The following TLN2 variants were observed in gnomAD, a reference collection of about 807,000 sequenced individuals.
The protein encoded by TLN2 is talin 2.
A neutral mutation model predicts 294.7 loss-of-function variants in TLN2; 118 were observed. That is an observed-to-expected ratio of 0.40 (90% CI 0.34 to 0.47). TLN2 has a LOEUF of 0.47. Among genes scored for constraint, TLN2 ranks in the 20% least tolerant of loss-of-function variants. TLN2 has a pLI of 0.84. For missense variants in TLN2, 3,083 were observed against 3,282.2 expected, an observed-to-expected ratio of 0.94 and a Z score of 1.48; for synonymous variants, 1,431 against 1,304.5, an observed-to-expected ratio of 1.10 and a Z score of -2.09.
chr15:62,687,152 C>T (rs190142375), intron 12 of TLN2, among the ~76,000 whole-genome samples: 1 of 152,180 alleles, frequency 6.6e-6, no homozygotes, highest in Non-Finnish European at 1.5e-5. Flanking sequence ...GACACAAAGG[C>T]CCCCTCTCTG....
chr15:62,650,008 C>T (rs1015467351), intron 4 of TLN2, 76 bp from the exon 5 acceptor site: 23 of 1,433,736 alleles, frequency 1.6e-5, no homozygotes, highest in Non-Finnish European at 2.1e-5. Context: ...GCTGAGTCAG[C>T]AGGCTCAGGG....
At chr15:62,654,754 C>CA (rs59006343) in intron 7 of TLN2, among the ~76,000 whole-genome samples, 5,206 of 33,898 alleles carry the variant, frequency 0.15, 1,228 homozygotes, top group Non-Finnish European at 0.2. Flanking sequence ...GACTCTGCCT[C>CA]AAAAAAAAAA....
intron 54 of TLN2, among the ~76,000 whole-genome samples, chr15:62,825,803 ATATAT>A (rs1267238495): frequency 0.029 from 140 of 4,854 alleles, 9 homozygotes; most frequent in Middle Eastern, 0.25. Flanking sequence ...AATATATATT[ATATAT>A]TATATTATAA....
rs16945742 is a variant in TLN2 at position 62,795,582 on chromosome 15, C to G, written c.5884-545C>G. On this transcript the variant is annotated intron_variant, in intron 46 of 58. Transcript: ENST00000636159. Reference sequence around the variant, plus strand: ...AAGTGGAGAGGTCACATACACAGATCCCCTCTAGACTCCAGCCCTTCTGAA... The same window carrying G: ...AAGTGGAGAGGTCACATACACAGATGCCCTCTAGACTCCAGCCCTTCTGAA... 5.6e-3 allele frequency among the ~76,000 whole-genome samples: 856 copies of G among 152,134 alleles called. 6 individuals carry two copies. Among genetic ancestry groups the G allele is most frequent in the African/African-American group, 0.02 (834 of 41,472 alleles).
At chr15:62,631,518 C>CTTCCTTTCCTTTCCTTTCCT (rs201532885) in intron 3 of TLN2, among the ~76,000 whole-genome samples, 3,735 of 89,584 alleles carry the variant, frequency 0.042, 451 homozygotes, top group Non-Finnish European at 0.05. Context: ...TTCTTTCTTT[C>CTTCCTTTCCTTTCCTTTCCT]TTCCTTTCCT....
chr15:62,491,155 C>A (rs1405989351), intron 1 of TLN2, among the ~76,000 whole-genome samples: 1 of 152,032 alleles, frequency 6.6e-6, no homozygotes, highest in East Asian at 1.9e-4. Flanking sequence ...AACCCTGTCT[C>A]TACTAAAAAT....
chr15:62,399,256 CAAA>C (rs546678440), intron 1 of TLN2, among the ~76,000 whole-genome samples: 47 of 58,430 alleles, frequency 8.0e-4, no homozygotes, highest in Middle Eastern at 0.025. Context: ...CCGTCTCAAA[CAAA>C]AAAAAAAAAA....
intron 7 of TLN2, among the ~76,000 whole-genome samples, chr15:62,654,109 A>T (rs546311247): frequency 6.6e-6 from 1 of 152,298 alleles, no homozygotes; most frequent in African/African-American, 2.4e-5. Flanking sequence ...TGAAATATAT[A>T]ATACGTTATT....
At chr15:62,711,874 C>T (rs368714686) in intron 21 of TLN2, 37 bp from the exon 22 acceptor site, 13 of 1,570,122 alleles carry the variant, frequency 8.3e-6, no homozygotes, top group Non-Finnish European at 1.0e-5. Context: ...CTTTGAAAAG[C>T]AGACAAACAG....
intron 3 of TLN2, among the ~76,000 whole-genome samples, chr15:62,646,587 G>C (rs1252560690): frequency 6.6e-6 from 1 of 152,190 alleles, no homozygotes; most frequent in African/African-American, 2.4e-5. Context: ...GAAGCTTCTT[G>C]GTACCCTTTG....
At chr15:62,490,281 G>A (rs1367414036) in intron 1 of TLN2, among the ~76,000 whole-genome samples, 2 of 152,126 alleles carry the variant, frequency 1.3e-5, no homozygotes, top group Non-Finnish European at 2.9e-5. Context: ...ATTGATTTAT[G>A]GATTCATTTG....
intron 55 of TLN2, chr15:62,833,956 C>T (rs993736596): frequency 5.1e-5 from 10 of 194,804 alleles, no homozygotes; most frequent in Non-Finnish European, 6.2e-5. Flanking sequence ...CCTGGTGGGC[C>T]GCTCTAGAAG....
At chr15:62,554,797 G>A (rs1215049186) in intron 1 of TLN2, among the ~76,000 whole-genome samples, 1 of 152,108 alleles carries the variant, frequency 6.6e-6, no homozygotes, top group Non-Finnish European at 1.5e-5. Context: ...ATTTTCCAGT[G>A]AGAGAGTACC....
intron 37 of TLN2, among the ~76,000 whole-genome samples, chr15:62,758,316 A>G (rs1336966348): frequency 6.6e-6 from 1 of 152,202 alleles, no homozygotes; most frequent in Non-Finnish European, 1.5e-5. Context: ...CCTGCCAGGG[A>G]TGGCTGTAAA....
Position 62,711,897 on chromosome 15 carries a change from A to C in TLN2, c.2468-14A>C. 1.2e-6 allele frequency: 2 copies of C among 1,600,328 alleles called. No homozygotes were observed. Among genetic ancestry groups the C allele is most frequent in the African/African-American group, 1.3e-5 (1 of 74,746 alleles). ...AGCAGACAAACAGACCTCATCCTCTATTCTGTCTTCTAGGTGAAATGGTGC... is the reference window on the plus strand; with the variant it reads ...AGCAGACAAACAGACCTCATCCTCTCTTCTGTCTTCTAGGTGAAATGGTGC... On this transcript the variant is annotated splice_polypyrimidine_tract_variant and intron_variant, in intron 21 of 58. Coordinates refer to ENST00000636159, the MANE Select transcript of TLN2 (RefSeq NM_015059.3).
chr15:62,698,651 G>A (rs868052107), intron 15 of TLN2, 103 bp from the exon 16 acceptor site: 2 of 889,158 alleles, frequency 2.2e-6, no homozygotes, highest in East Asian at 5.2e-5. Flanking sequence ...AGCCTGGGCT[G>A]CTTTGTCTTG....
rs1006773927 is a variant in TLN2 at position 62,753,321 on chromosome 15, AG to A, written c.4333-450del. Among the ~76,000 whole-genome samples the A allele has an allele frequency of 4.9e-4, 74 of 152,268 alleles. 1 individual carries two copies. Among genetic ancestry groups the A allele is most frequent in the African/African-American group, 1.7e-3 (72 of 41,540 alleles). On this transcript the variant is annotated intron_variant, in intron 35 of 58. Coordinates refer to ENST00000636159, the MANE Select transcript of TLN2 (RefSeq NM_015059.3). ...GGTAAGCTACGAGATGAGGAACCCT[AG>A]GACAGGGCAGGCTCCACGGTTGGCT...
At chr15:62,464,101 C>T (rs1201603) in intron 1 of TLN2, among the ~76,000 whole-genome samples, 1 of 152,012 alleles carries the variant, frequency 6.6e-6, no homozygotes, top group Non-Finnish European at 1.5e-5. Flanking sequence ...ATAAATCATG[C>T]TACTATGAAG....
intron 55 of TLN2, chr15:62,833,915 G>A: frequency 1.0e-5 from 3 of 291,950 alleles, no homozygotes; most frequent in Non-Finnish European, 1.9e-5. Flanking sequence ...CTGTACATTA[G>A]GCTACGTAAA....
Sources: allele counts gnomAD v4.1 joint callset (sites outside exome capture counted in the v4.1 genomes callset), GRCh38; gene constraint gnomAD v4.1.1; transcripts MANE v1.5; gene names NCBI Gene and HGNC (gene_info 2026-07-23, HGNC 2026-07-21).